Variants in GXYLT2 observed in about 807,000 individuals in gnomAD.
GXYLT2 encodes glucoside xylosyltransferase 2.
A neutral mutation model predicts 45.8 loss-of-function variants in GXYLT2; 53 were observed. That is an observed-to-expected ratio of 1.16 (90% CI 0.93 to 1.46). The LOEUF is 1.46. Among genes scored for constraint, GXYLT2 ranks in the 40% most tolerant of loss-of-function variants. The pLI is 0.00. For synonymous variants in GXYLT2, 219 were observed against 214.2 expected, an observed-to-expected ratio of 1.02 and a Z score of -0.19; for missense variants, 551 against 544.4, an observed-to-expected ratio of 1.01 and a Z score of -0.12.
intron 3 of GXYLT2, among the ~76,000 whole-genome samples, chr3:72,952,487 C>T (rs1710547309): frequency 6.6e-6 from 1 of 152,082 alleles, no homozygotes; most frequent in South Asian, 2.1e-4. Flanking sequence ...GTGTAGCACC[C>T]ATGTTCATCA....
chr3:72,912,155 C>G (rs1349375535), intron 2 of GXYLT2, among the ~76,000 whole-genome samples: 1 of 151,464 alleles, frequency 6.6e-6, no homozygotes, highest in East Asian at 1.9e-4. Context: ...GGACTACAAA[C>G]TGCGCCACCA....
intron 1 of GXYLT2, 117 bp from the exon 2 acceptor site, chr3:72,908,250 A>G (rs1366432845): frequency 3.0e-6 from 2 of 673,394 alleles, no homozygotes; most frequent in South Asian, 2.0e-5. Context: ...TTTATAAAAT[A>G]TAACAGATTG....
At chr3:72,959,937 GTGTT>G (rs371678279) in intron 5 of GXYLT2, among the ~76,000 whole-genome samples, 48 of 150,452 alleles carry the variant, frequency 3.2e-4, no homozygotes, top group South Asian at 1.3e-3. Flanking sequence ...GACCGGTTTT[GTGTT>G]TGTTTGTTTG....
chr3:72,930,619 G>A (rs1161209106), intron 3 of GXYLT2, among the ~76,000 whole-genome samples: 5 of 110,266 alleles, frequency 4.5e-5, no homozygotes, highest in Admixed American at 2.4e-4. Context: ...TTTGACACAG[G>A]GTTTCACTCT....
intron 2 of GXYLT2, among the ~76,000 whole-genome samples, chr3:72,915,805 C>T (rs1446693334): frequency 6.6e-6 from 1 of 151,634 alleles, no homozygotes; most frequent in East Asian, 1.9e-4. Context: ...TGCACTCTAT[C>T]CTGGGTGACA....
chr3:72,906,039 C>A (rs1709505158), intron 1 of GXYLT2, among the ~76,000 whole-genome samples: 1 of 152,140 alleles, frequency 6.6e-6, no homozygotes, highest in Non-Finnish European at 1.5e-5. Context: ...ATGCATATCC[C>A]TAAATATTGG....
rs187195153 is a variant in GXYLT2 at position 72,971,101 on chromosome 3, G to A, written c.1149+3382G>A. ...GAAGTTAAATAAGTACACAGCAGCC[G>A]TGTGTCTATCAGAGCCACTCTTGGG... On this transcript the variant is annotated intron_variant, in intron 6 of 6. Coordinates refer to ENST00000389617, the MANE Select transcript of GXYLT2 (RefSeq NM_001080393.2). 3.4e-4 allele frequency among the ~76,000 whole-genome samples: 52 copies of A among 152,258 alleles called. 2 individuals are homozygous for A. Among genetic ancestry groups the A allele is most frequent in the Admixed American group, 2.1e-3 (32 of 15,288 alleles).
At chr3:72,892,173 C>T (rs541666591) in intron 1 of GXYLT2, among the ~76,000 whole-genome samples, 2 of 152,308 alleles carry the variant, frequency 1.3e-5, no homozygotes, top group Middle Eastern at 3.4e-3. Flanking sequence ...TCTTCCAGCT[C>T]AGACATTTGA....
At chr3:72,936,419 C>T (rs1035677404) in intron 3 of GXYLT2, among the ~76,000 whole-genome samples, 1 of 151,986 alleles carries the variant, frequency 6.6e-6, no homozygotes, top group African/African-American at 2.4e-5. Flanking sequence ...TTTGGGAGGC[C>T]GAGGCAGATG....
intron 5 of GXYLT2, among the ~76,000 whole-genome samples, chr3:72,963,250 A>T (rs1170092255): frequency 6.6e-6 from 1 of 152,200 alleles, no homozygotes; most frequent in Non-Finnish European, 1.5e-5. Flanking sequence ...AATCTTAGAG[A>T]TCCCAAGAGT....
At chr3:72,920,888 C>T (rs1709820814) in intron 2 of GXYLT2, among the ~76,000 whole-genome samples, 1 of 150,888 alleles carries the variant, frequency 6.6e-6, no homozygotes, top group Non-Finnish European at 1.5e-5. Context: ...GATCTCAGCT[C>T]ACTGCAACCT....
intron 3 of GXYLT2, among the ~76,000 whole-genome samples, chr3:72,927,931 A>G (rs1709951123): frequency 6.6e-6 from 1 of 152,254 alleles, no homozygotes; most frequent in Admixed American, 6.5e-5. Flanking sequence ...GCAAAGAAGG[A>G]AATTAATTTA....
intron 3 of GXYLT2, among the ~76,000 whole-genome samples, chr3:72,924,663 T>G (rs1233380582): frequency 1.3e-5 from 2 of 152,102 alleles, no homozygotes; most frequent in African/African-American, 4.8e-5. Context: ...GATGGTTGCC[T>G]TAGAGATGGA....
At chr3:72,971,544 C>G (rs1710985293) in intron 6 of GXYLT2, among the ~76,000 whole-genome samples, 1 of 152,104 alleles carries the variant, frequency 6.6e-6, no homozygotes, top group African/African-American at 2.4e-5. Flanking sequence ...TTTCATCAGT[C>G]AAGTGTAGAT....
chr3:72,971,876 G>C (rs1159883988), intron 6 of GXYLT2, among the ~76,000 whole-genome samples: 1 of 151,636 alleles, frequency 6.6e-6, no homozygotes, highest in South Asian at 2.1e-4. Context: ...TTGAAACCGG[G>C]AGGCAGAGGT....
chr3:72,916,435 A>G (rs1709744995), intron 2 of GXYLT2, among the ~76,000 whole-genome samples: 1 of 150,992 alleles, frequency 6.6e-6, no homozygotes. Flanking sequence ...TGATCCTCCA[A>G]CCTTGACCTC....
intron 3 of GXYLT2, among the ~76,000 whole-genome samples, chr3:72,944,596 G>C (rs1049085157): frequency 2.6e-5 from 4 of 152,082 alleles, no homozygotes; most frequent in African/African-American, 7.2e-5. Flanking sequence ...GGCACAAAAA[G>C]AGTGTTTCTC....
chr3:72,928,978 C>T (rs1709972679), intron 3 of GXYLT2: 1 of 980,976 alleles, frequency 1.0e-6, no homozygotes, highest in Non-Finnish European at 1.6e-6. Context: ...CCCTCGGTAC[C>T]GCCCCAAGGC....
chr3:72,909,380 T>TC (rs1709574496), intron 2 of GXYLT2, among the ~76,000 whole-genome samples: 1 of 152,010 alleles, frequency 6.6e-6, no homozygotes, highest in Non-Finnish European at 1.5e-5. Context: ...GGTTTTTTTT[T>TC]CCCCATATAT....
Sources: allele counts gnomAD v4.1 joint callset (sites outside exome capture counted in the v4.1 genomes callset), GRCh38; gene constraint gnomAD v4.1.1; transcripts MANE v1.5; gene names NCBI Gene and HGNC (gene_info 2026-07-23, HGNC 2026-07-21).